NOS1AP: variants seen among roughly 807,000 people sequenced by gnomAD.
NOS1AP encodes nitric oxide synthase 1 adaptor protein.
Under a neutral mutation model 56.2 loss-of-function variants are expected in NOS1AP, and 21 were observed. The ratio of observed to expected loss-of-function variants is 0.37; its 90% CI spans 0.26 to 0.54. NOS1AP has a LOEUF of 0.54. Ranked by LOEUF, NOS1AP falls within the 20% of genes least tolerant of loss-of-function variation. NOS1AP has a pLI of 0.84. For missense variants in NOS1AP, 522 were observed against 657.8 expected (o/e 0.79, Z 2.26); for synonymous variants, 270 against 274.6 (o/e 0.98, Z 0.17).
intron 2 of NOS1AP, among the ~76,000 whole-genome samples, chr1:162,242,044 C>G (rs1557845586): frequency 6.6e-6 from 1 of 152,144 alleles, no homozygotes; most frequent in Non-Finnish European, 1.5e-5. Flanking sequence ...CTAGAAGTTT[C>G]CTTATTCAGG....
chr1:162,301,509 C>A (rs1343278662), intron 4 of NOS1AP, among the ~76,000 whole-genome samples: 1 of 152,184 alleles, frequency 6.6e-6, no homozygotes, highest in Non-Finnish European at 1.5e-5. Flanking sequence ...CAGACCGAAC[C>A]AACACACAAC....
Position 162,367,576 on chromosome 1 carries a change from G to A in NOS1AP, c.*109G>A. ...ATGTGCACTGCCGAGGAGAATGCCA[G>A]CCAGGGCCCGGGAGAGTGTGAGGTT... On this transcript the variant is annotated 3_prime_UTR_variant, in exon 10 of 10. Coordinates refer to ENST00000361897, the MANE Select transcript of NOS1AP (RefSeq NM_014697.3). This position sits in a 1 kb window ranked among gnomAD's most constrained non-coding sequence, Gnocchi z 6.5. 1.6e-6 allele frequency: 2 copies of A among 1,233,714 alleles called. No individual in the cohort carries two copies. The highest frequency in any genetic ancestry group is 2.2e-6 in the Non-Finnish European group (2 of 903,124). The allele number at this position is 1,233,714 out of a possible 1,614,324, so 76.4% of individuals were successfully genotyped here. A position where few individuals can be genotyped will look rare whatever the true frequency, so the allele number is the denominator to read the frequency against.
intron 1 of NOS1AP, among the ~76,000 whole-genome samples, chr1:162,151,861 T>G (rs1649723758): frequency 6.6e-6 from 1 of 151,572 alleles, no homozygotes; most frequent in South Asian, 2.1e-4. Flanking sequence ...ATGTGGGGTG[T>G]GCATGTACAT....
At chr1:162,213,575 A>G (rs1341590582) in intron 2 of NOS1AP, among the ~76,000 whole-genome samples, 1 of 152,176 alleles carries the variant, frequency 6.6e-6, no homozygotes, top group East Asian at 1.9e-4. Flanking sequence ...CAGTTGCCCA[A>G]TCTGCAGTCA....
intron 1 of NOS1AP, among the ~76,000 whole-genome samples, chr1:162,090,199 C>T (rs749269573): frequency 4.0e-5 from 6 of 150,874 alleles, no homozygotes; most frequent in Admixed American, 6.6e-5. Context: ...TCTTTGTATG[C>T]GAAAGGTCAA....
At chr1:162,340,659 A>T (rs1657082182) in intron 5 of NOS1AP, among the ~76,000 whole-genome samples, 1 of 152,116 alleles carries the variant, frequency 6.6e-6, no homozygotes, top group African/African-American at 2.4e-5. Flanking sequence ...CAACGGGTGG[A>T]GGGAGGATAG....
chr1:162,143,819 C>T (rs913474879), intron 1 of NOS1AP, among the ~76,000 whole-genome samples: 2 of 152,122 alleles, frequency 1.3e-5, no homozygotes, highest in African/African-American at 4.8e-5. Flanking sequence ...ATACTAGGTA[C>T]ATTTCATGAA....
At chr1:162,143,967 T>C (rs532790835) in intron 1 of NOS1AP, among the ~76,000 whole-genome samples, 1 of 152,368 alleles carries the variant, frequency 6.6e-6, no homozygotes, top group South Asian at 2.1e-4. Flanking sequence ...AGCCTTCTCA[T>C]TTCTTCAGTT....
intron 2 of NOS1AP, among the ~76,000 whole-genome samples, chr1:162,245,883 T>C (rs1640346376): frequency 6.6e-6 from 1 of 152,266 alleles, no homozygotes; most frequent in South Asian, 2.1e-4. Flanking sequence ...TGATAGCTTA[T>C]GATGGATTAA....
intron 8 of NOS1AP, chr1:162,361,054 G>A (rs1657886686): frequency 5.1e-6 from 2 of 389,588 alleles, no homozygotes; most frequent in South Asian, 3.8e-5. Flanking sequence ...GTCATGATGA[G>A]GCCAGAGTGC....
At chr1:162,166,089 C>G (rs1650484414) in intron 2 of NOS1AP, among the ~76,000 whole-genome samples, 1 of 152,300 alleles carries the variant, frequency 6.6e-6, no homozygotes, top group South Asian at 2.1e-4. Flanking sequence ...AGATGTGCCT[C>G]TTAAATATTT....
At chr1:162,222,910 A>C (rs1257463520) in intron 2 of NOS1AP, among the ~76,000 whole-genome samples, 1 of 152,222 alleles carries the variant, frequency 6.6e-6, no homozygotes, top group Non-Finnish European at 1.5e-5. Context: ...ATGGAAGAAA[A>C]TGGGTGTGAT....
At chr1:162,361,707 A>G (rs573982692) in intron 8 of NOS1AP, among the ~76,000 whole-genome samples, 1 of 152,362 alleles carries the variant, frequency 6.6e-6, no homozygotes, top group Non-Finnish European at 1.5e-5. Context: ...TGGTACAAGG[A>G]GCATTTTCTC....
chr1:162,366,507 T>C (rs1658091267), intron 9 of NOS1AP, among the ~76,000 whole-genome samples: 1 of 152,142 alleles, frequency 6.6e-6, no homozygotes, highest in African/African-American at 2.4e-5. Flanking sequence ...AACCATCCCA[T>C]GAGCTCTTTT....
chr1:162,073,297 G>A (rs1691696743), intron 1 of NOS1AP, among the ~76,000 whole-genome samples: 1 of 152,150 alleles, frequency 6.6e-6, no homozygotes, highest in East Asian at 1.9e-4. Context: ...TAAGCCTGGG[G>A]CTTTGACTTC....
At chr1:162,156,464 C>T (rs1451356629) in intron 2 of NOS1AP, among the ~76,000 whole-genome samples, 1 of 152,136 alleles carries the variant, frequency 6.6e-6, no homozygotes, top group Non-Finnish European at 1.5e-5. Context: ...ATAGAAAGCA[C>T]AGAGGCCTCG....
In NOS1AP at chr1:162,361,018, G is replaced by A. The variant is rs1160366237; in HGVS notation, c.939+3882G>A. 3.5e-5 allele frequency: 15 copies of A among 432,188 alleles called. No homozygotes were observed. The East Asian group carries it at 1.0e-3, about 30-fold the overall frequency. The allele number at this position is 432,188 out of a possible 1,614,324, so 26.8% of individuals were successfully genotyped here. ...AGTTTGGGAAAGCAGTGTAGAGCTG[G>A]AGGGTGCAGGGCTGAACTTTTGTGT... On this transcript the variant is annotated intron_variant, in intron 8 of 9. Coordinates refer to ENST00000361897, the MANE Select transcript of NOS1AP (RefSeq NM_014697.3).
intron 1 of NOS1AP, among the ~76,000 whole-genome samples, chr1:162,090,408 G>A (rs763225906): frequency 6.7e-5 from 10 of 150,370 alleles, no homozygotes; most frequent in Admixed American, 1.3e-4. Context: ...TAGAGTATAT[G>A]TTGATATTAT....
chr1:162,313,177 C>CT (rs1384367008), intron 4 of NOS1AP, among the ~76,000 whole-genome samples: 1 of 152,166 alleles, frequency 6.6e-6, no homozygotes, highest in Non-Finnish European at 1.5e-5. Context: ...AACAGGGTGT[C>CT]TCCCATGCCC....
Sources: gnomAD v4.1 joint callset for allele counts (sites outside exome capture counted in the v4.1 genomes callset) on GRCh38, gnomAD v4.1.1 for gene constraint, Gnocchi (gnomAD v3.1) non-coding constraint, MANE v1.5 for transcripts, NCBI Gene and HGNC (gene_info 2026-07-23, HGNC 2026-07-21) for gene names.